FSTL4: variants seen among roughly 807,000 people sequenced by gnomAD.
The protein encoded by FSTL4 is follistatin like 4.
In FSTL4, 28 loss-of-function variants were observed where a neutral mutation model predicts 78.2. The ratio of observed to expected loss-of-function variants is 0.36; its 90% CI spans 0.27 to 0.49. FSTL4 has a LOEUF of 0.49. FSTL4 is among the 20% of genes least tolerant of loss of function. FSTL4 has a pLI of 0.98. For synonymous variants in FSTL4, 422 were observed against 440.5 expected (o/e 0.96, Z 0.53); for missense variants, 922 against 1,084.9 (o/e 0.85, Z 2.11).
At chr5:133,693,288 A>C in the FSTL4 span, among the ~76,000 whole-genome samples, 2 of 152,228 alleles carry the variant, frequency 1.3e-5, no homozygotes, top group African/African-American at 4.8e-5. Context: ...GAGCTGAAAC[A>C]ACATCCTCTC....
intron 4 of FSTL4, among the ~76,000 whole-genome samples, chr5:133,390,895 T>C (rs775956628): frequency 2.0e-5 from 3 of 152,118 alleles, no homozygotes; most frequent in Non-Finnish European, 2.9e-5. Flanking sequence ...TGAGTGATCA[T>C]GCGAGGCACA....
intron 3 of FSTL4, among the ~76,000 whole-genome samples, chr5:133,434,040 T>G (rs765947196): frequency 6.6e-6 from 1 of 151,986 alleles, no homozygotes; most frequent in African/African-American, 2.4e-5. Context: ...CTGATTTACA[T>G]TGAAAACAGA....
intron 3 of FSTL4, among the ~76,000 whole-genome samples, chr5:133,547,253 T>TC (rs1303969499): frequency 4.6e-5 from 7 of 152,096 alleles, no homozygotes; most frequent in South Asian, 2.1e-4. Context: ...TCTCTCTCTC[T>TC]TAGAAGGGAA....
At chr5:133,657,766 G>GTTTTTTTTT in the FSTL4 span, among the ~76,000 whole-genome samples, 9 of 85,930 alleles carry the variant, frequency 1.0e-4, no homozygotes, top group Non-Finnish European at 1.8e-4. Context: ...ACTGTTTTTT[G>GTTTTTTTTT]TTTTTTTTGT....
chr5:133,294,598 C>G (rs1229239161), intron 6 of FSTL4, among the ~76,000 whole-genome samples: 1 of 152,152 alleles, frequency 6.6e-6, no homozygotes. Context: ...TTTAAACATC[C>G]AAGTTGATTA....
the FSTL4 span, among the ~76,000 whole-genome samples, chr5:133,708,510 G>C: frequency 7.2e-5 from 11 of 152,110 alleles, no homozygotes; most frequent in Non-Finnish European, 1.5e-4. Context: ...CACTGGACCT[G>C]ACCGTTCCTC....
At position 133,503,445 on chromosome 5, in the gene FSTL4, C is replaced by T. The variant is rs187122827; in HGVS notation, c.160+63741G>A. Among the ~76,000 whole-genome samples the T allele has an allele frequency of 1.8e-3, 278 of 151,890 alleles. 2 individuals carry two copies. Among genetic ancestry groups the T allele is most frequent in the Non-Finnish European group, 1.6e-3 (111 of 67,926 alleles). On this transcript the variant is annotated intron_variant, in intron 3 of 15. Transcript: ENST00000265342. ...ATAAGCCAGTGTGCACTGGCTCCGG[C>T]ACACCACCGGGATCATAAAGCAAAT...
At chr5:133,322,124 T>C (rs1754073912) in intron 4 of FSTL4, among the ~76,000 whole-genome samples, 1 of 151,998 alleles carries the variant, frequency 6.6e-6, no homozygotes, top group Non-Finnish European at 1.5e-5. Context: ...TTCCCTATGC[T>C]CTGAACACAG....
chr5:133,507,805 G>A (rs459251), intron 3 of FSTL4, among the ~76,000 whole-genome samples: 8,055 of 151,922 alleles, frequency 0.053, 287 homozygotes, highest in Non-Finnish European at 0.077. Context: ...ACAGGCATGA[G>A]CCACTGCGCC....
chr5:133,339,936 T>C (rs1365890056), intron 4 of FSTL4, among the ~76,000 whole-genome samples: 1 of 152,138 alleles, frequency 6.6e-6, no homozygotes, highest in African/African-American at 2.4e-5. Flanking sequence ...CTCCACTCAG[T>C]GTGAAAAAGT....
the FSTL4 span, among the ~76,000 whole-genome samples, chr5:133,733,274 G>T: frequency 6.6e-6 from 1 of 152,148 alleles, no homozygotes; most frequent in Non-Finnish European, 1.5e-5. Flanking sequence ...CTACATGCTT[G>T]CAATGTAGGT....
chr5:133,450,524 TC>T, intron 3 of FSTL4, among the ~76,000 whole-genome samples: 1 of 152,312 alleles, frequency 6.6e-6, no homozygotes, highest in East Asian at 1.9e-4. Flanking sequence ...CTTTCATAAT[TC>T]AGAAGAATCA....
chr5:133,219,461 C>G (rs768521711), intron 12 of FSTL4, among the ~76,000 whole-genome samples: 2 of 152,220 alleles, frequency 1.3e-5, no homozygotes, highest in Non-Finnish European at 2.9e-5. Context: ...CTACCTGACT[C>G]TGAAGGCTAT....
At chr5:133,755,784 G>A in the FSTL4 span, among the ~76,000 whole-genome samples, 4 of 152,170 alleles carry the variant, frequency 2.6e-5, no homozygotes, top group Admixed American at 2.0e-4. Flanking sequence ...AGCACCTGGC[G>A]GGTATAAGCA....
chr5:133,354,795 C>A (rs1415522300), intron 4 of FSTL4, among the ~76,000 whole-genome samples: 1 of 152,260 alleles, frequency 6.6e-6, no homozygotes, highest in Admixed American at 6.5e-5. Context: ...TCACCTACAT[C>A]ACACCTGCAG....
the FSTL4 span, among the ~76,000 whole-genome samples, chr5:133,643,513 C>T: frequency 1.3e-5 from 2 of 151,984 alleles, no homozygotes; most frequent in African/African-American, 4.8e-5. Context: ...GGTTGGGTGC[C>T]TGCCACGCCA....
At chr5:133,210,035 G>T in intron 14 of FSTL4, 156 bp downstream of exon 14, 1 of 552,346 alleles carries the variant, frequency 1.8e-6, no homozygotes, top group Non-Finnish European at 3.3e-6. Flanking sequence ...AGGGGCATTG[G>T]CCTGAGGCTG....
intron 4 of FSTL4, among the ~76,000 whole-genome samples, chr5:133,362,028 T>C (rs1248498113): frequency 2.6e-5 from 4 of 152,244 alleles, no homozygotes; most frequent in Non-Finnish European, 5.9e-5. Context: ...GGGATACAAC[T>C]ACTATAAAAA....
At chr5:133,527,947 A>T (rs1231341059) in intron 3 of FSTL4, among the ~76,000 whole-genome samples, 1 of 152,140 alleles carries the variant, frequency 6.6e-6, no homozygotes, top group Non-Finnish European at 1.5e-5. Context: ...TTAAGACACA[A>T]ATCTTATTAA....
Sources: allele counts gnomAD v4.1 joint callset (sites outside exome capture counted in the v4.1 genomes callset), GRCh38; gene constraint gnomAD v4.1.1; transcripts MANE v1.5; gene names NCBI Gene and HGNC (gene_info 2026-07-23, HGNC 2026-07-21).